ARID1B: variants seen among roughly 807,000 people sequenced by gnomAD.
ARID1B encodes AT-rich interactive domain-containing protein 1B.
A neutral mutation model predicts 212.3 loss-of-function variants in ARID1B; 30 were observed. The ratio of observed to expected loss-of-function variants is 0.14; its 90% CI spans 0.11 to 0.19. ARID1B has a LOEUF of 0.19. Ranked by LOEUF, ARID1B falls within the 10% of genes least tolerant of loss-of-function variation. The pLI, the probability that ARID1B is intolerant of heterozygous loss-of-function variation, is 1.00. For missense variants in ARID1B, 2,891 were observed against 3,204.0 expected (o/e 0.90, Z 2.36); for synonymous variants, 1,402 against 1,301.7 (o/e 1.08, Z -1.66).
At chr6:157,084,596 A>G (rs2128461605) in intron 4 of ARID1B, 66 bp from the exon 5 acceptor site, 6 of 1,548,156 alleles carry the variant, frequency 3.9e-6, no homozygotes, top group Non-Finnish European at 5.2e-6. Flanking sequence ...ATGATTTTCA[A>G]GTCGTCTTTT....
In ARID1B at chr6:156,799,703, C is replaced by T. The variant is rs571854754; in HGVS notation, c.1791+20232C>T. Among the ~76,000 whole-genome samples, 10 of 152,286 alleles carry T rather than the reference C, an allele frequency of 6.6e-5. No individual in the cohort carries two copies. The East Asian group carries it at 1.4e-3, about 21-fold the overall frequency. On this transcript the variant is annotated intron_variant, in intron 1 of 19. Transcript: ENST00000636930. ...ATGTTGGCAAGGCTGGTCTCGAACT[C>T]GTGACCTCAAGTGATCTGCCCGCCT...
intron 7 of ARID1B, chr6:157,140,625 A>C (rs1191505217): frequency 2.5e-6 from 1 of 398,546 alleles, no homozygotes; most frequent in Non-Finnish European, 4.4e-6. Context: ...GAAGAAACTG[A>C]GCTTTGGAGT....
chr6:156,926,310 T>C (rs1196524023), intron 3 of ARID1B, among the ~76,000 whole-genome samples: 1 of 152,194 alleles, frequency 6.6e-6, no homozygotes, highest in Non-Finnish European at 1.5e-5. Context: ...TGTTTTGTTT[T>C]GTTTAGGATA....
In ARID1B at chr6:156,778,895, AG is replaced by A; in HGVS notation, c.1217del (p.Gly406GlufsTer46). The A allele has an allele frequency of 1.5e-6, 2 of 1,339,624 alleles. No individual in the cohort carries two copies. The highest frequency in any genetic ancestry group is 1.9e-6 in the Non-Finnish European group (2 of 1,045,954). 83.0% of individuals were successfully genotyped at this position (1,339,624 alleles called of 1,614,324 possible). ...GGGGGGGSGG[G>X]GGGGGAGAGG... ...GCGGAGGAGGAGGAGGCAGCGGAGGAGGAGGAGGAGGAGGAGGAGCAGGAGC... is the reference window on the plus strand; with the variant it reads ...GCGGAGGAGGAGGAGGCAGCGGAGGAGAGGAGGAGGAGGAGGAGCAGGAGC... On this transcript the variant is annotated frameshift_variant, in exon 1 of 20. Coordinates refer to ENST00000636930, the MANE Select transcript of ARID1B (RefSeq NM_001374828.1). LOFTEE classifies it high-confidence loss of function.
At chr6:156,777,084 CG>C (rs1235878591), upstream of ARID1B, 1 of 152,234 alleles carries the variant, frequency 6.6e-6, no homozygotes, top group Non-Finnish European at 1.5e-5. Flanking sequence ...ACCTTTGTAT[CG>C]TTCCTTTTAG....
chr6:156,994,730 C>G (rs904412140), intron 4 of ARID1B, among the ~76,000 whole-genome samples: 66 of 152,280 alleles, frequency 4.3e-4, no homozygotes, highest in African/African-American at 1.5e-3. Flanking sequence ...GTAACCTGTC[C>G]AAGACCAGAC....
At chr6:157,053,349 G>T (rs1376310292) in intron 4 of ARID1B, among the ~76,000 whole-genome samples, 1 of 152,190 alleles carries the variant, frequency 6.6e-6, no homozygotes, top group East Asian at 1.9e-4. Flanking sequence ...GCCTCCCAAA[G>T]TTCTGGGATT....
intron 4 of ARID1B, among the ~76,000 whole-genome samples, chr6:156,947,480 G>A (rs1793239802): frequency 6.6e-6 from 1 of 151,754 alleles, no homozygotes. Context: ...GATGGTGCAG[G>A]GAACCTTGCT....
At chr6:157,186,572 G>C in intron 13 of ARID1B, 1 of 468,760 alleles carries the variant, frequency 2.1e-6, no homozygotes, top group Middle Eastern at 3.3e-4. Context: ...TAGGGAAAGT[G>C]TCTGGAAACA....
chr6:157,104,360 A>G (rs1014065215), intron 5 of ARID1B, among the ~76,000 whole-genome samples: 20 of 152,220 alleles, frequency 1.3e-4, no homozygotes, highest in African/African-American at 4.6e-4. Flanking sequence ...GATCATCACT[A>G]TCTTCACTAC....
In ARID1B at chr6:157,208,631, A is replaced by AT. The variant is rs1432549252; in HGVS notation, c.*746dup. 4.4e-6 allele frequency: 1 copy of AT among 229,600 alleles called. No individual in the cohort carries two copies. Among genetic ancestry groups the AT allele is most frequent in the Non-Finnish European group, 8.6e-6 (1 of 116,724 alleles). 14.2% of individuals were successfully genotyped at this position (229,600 alleles called of 1,614,324 possible). On this transcript the variant is annotated 3_prime_UTR_variant, in exon 20 of 20. Coordinates refer to ENST00000636930, the MANE Select transcript of ARID1B (RefSeq NM_001374828.1). Reference sequence around the variant, plus strand: ...ACAGTTCTTCACAATTCCTTTCATCATTTTTTAAATATTTTTTTTACTGCC... The same window carrying AT: ...ACAGTTCTTCACAATTCCTTTCATCATTTTTTTAAATATTTTTTTTACTGCC...
At chr6:157,147,930 C>G (rs1306527515) in intron 7 of ARID1B, among the ~76,000 whole-genome samples, 1 of 126,352 alleles carries the variant, frequency 7.9e-6, no homozygotes, top group Non-Finnish European at 1.7e-5. Flanking sequence ...CCCTCACCCT[C>G]GCCTTTGACC....
At chr6:157,036,785 C>CA in intron 4 of ARID1B, 1 of 486,918 alleles carries the variant, frequency 2.1e-6, no homozygotes, top group South Asian at 1.5e-5. Context: ...TGGCTAGACT[C>CA]AAAGAGGTTT....
chr6:157,127,434 A>T (rs1788206132), intron 6 of ARID1B, among the ~76,000 whole-genome samples: 1 of 152,106 alleles, frequency 6.6e-6, no homozygotes, highest in African/African-American at 2.4e-5. Context: ...AGGCAGGCGG[A>T]TCACAAGATC....
At chr6:157,165,678 G>A (rs556705027) in intron 8 of ARID1B, among the ~76,000 whole-genome samples, 21 of 152,074 alleles carry the variant, frequency 1.4e-4, no homozygotes, top group African/African-American at 2.4e-4. Flanking sequence ...GCAAAACCCC[G>A]TCTCTACAAA....
At chr6:157,107,440 T>C (rs898831141) in intron 5 of ARID1B, among the ~76,000 whole-genome samples, 5 of 152,186 alleles carry the variant, frequency 3.3e-5, no homozygotes, top group African/African-American at 1.2e-4. Context: ...ACAAGTTTTC[T>C]GTAAGTCTAA....
At chr6:157,166,992 C>G (rs1473847543) in intron 8 of ARID1B, 48 bp from the exon 9 acceptor site, 1 of 1,594,500 alleles carries the variant, frequency 6.3e-7, no homozygotes, top group Admixed American at 1.7e-5. Flanking sequence ...CAAACCACTG[C>G]TAATGTGCAT....
chr6:156,820,503 G>A (rs923882760), intron 1 of ARID1B, among the ~76,000 whole-genome samples: 1 of 152,206 alleles, frequency 6.6e-6, no homozygotes, highest in South Asian at 2.1e-4. Context: ...GTTTAGCTCT[G>A]CCTTCAATTT....
At chr6:157,090,103 G>A (rs1008822281) in intron 5 of ARID1B, among the ~76,000 whole-genome samples, 7 of 152,208 alleles carry the variant, frequency 4.6e-5, no homozygotes, top group Admixed American at 6.5e-5. Flanking sequence ...TCCAGAGCCA[G>A]CCATTCCAGT....
Sources: allele counts gnomAD v4.1 joint callset (sites outside exome capture counted in the v4.1 genomes callset), GRCh38; gene constraint gnomAD v4.1.1; transcripts MANE v1.5; gene names NCBI Gene and HGNC (gene_info 2026-07-23, HGNC 2026-07-21).